The following RHOJ variants were observed in gnomAD, a reference collection of about 807,000 sequenced individuals.
The protein encoded by RHOJ is rho-related GTP-binding protein RhoJ.
In RHOJ, 11 loss-of-function variants were observed where a neutral mutation model predicts 23.4. The ratio of observed to expected loss-of-function variants is 0.47; its 90% CI spans 0.30 to 0.78. RHOJ has a LOEUF of 0.78. Among genes scored for constraint, RHOJ ranks in the 30% least tolerant of loss-of-function variants. The pLI, the probability that RHOJ is intolerant of heterozygous loss-of-function variation, is 0.08. For synonymous variants in RHOJ, 102 were observed against 102.7 expected, an observed-to-expected ratio of 0.99 and a Z score of 0.04; for missense variants, 254 against 273.4, an observed-to-expected ratio of 0.93 and a Z score of 0.50.
At chr14:63,212,127 A>C (rs1024404487) in intron 1 of RHOJ, among the ~76,000 whole-genome samples, 17 of 152,176 alleles carry the variant, frequency 1.1e-4, no homozygotes, top group Non-Finnish European at 1.6e-4. Context: ...ATCTGCATCC[A>C]CACAGCTGAA....
At chr14:63,250,711 AG>A (rs1895055044) in intron 1 of RHOJ, among the ~76,000 whole-genome samples, 1 of 152,130 alleles carries the variant, frequency 6.6e-6, no homozygotes, top group South Asian at 2.1e-4. Flanking sequence ...ACTTCTTCAA[AG>A]GGGTTGTCCC....
intron 1 of RHOJ, among the ~76,000 whole-genome samples, chr14:63,206,964 A>G (rs1894124048): frequency 6.6e-6 from 1 of 152,152 alleles, no homozygotes; most frequent in African/African-American, 2.4e-5. Flanking sequence ...GTAAGGTTAA[A>G]AAGAGGATGG....
At chr14:63,225,097 G>A (rs1295594207) in intron 1 of RHOJ, among the ~76,000 whole-genome samples, 2 of 151,042 alleles carry the variant, frequency 1.3e-5, no homozygotes, top group African/African-American at 4.9e-5. Context: ...GACTACAGGC[G>A]CCCGCCACTA....
chr14:63,231,501 A>G (rs1240000895), intron 1 of RHOJ, among the ~76,000 whole-genome samples: 1 of 152,240 alleles, frequency 6.6e-6, no homozygotes, highest in African/African-American at 2.4e-5. Flanking sequence ...TTCACATTAC[A>G]ATAACGTTGT....
Position 63,283,124 on chromosome 14 carries a change from G to T in RHOJ, c.406G>T (p.Asp136Tyr). 1.2e-6 allele frequency: 2 copies of T among 1,613,096 alleles called. No homozygotes were observed. Among genetic ancestry groups the T allele is most frequent in the Non-Finnish European group, 1.7e-6 (2 of 1,179,084 alleles). Residue 136 changes from aspartate to tyrosine, a missense_variant, in exon 4 of 5, where the codon GAT (aspartate) becomes TAT (tyrosine). Coordinates refer to ENST00000316754, the MANE Select transcript of RHOJ (RefSeq NM_020663.5). ...VPYVLIGTQIDLRDDPKTLAR... is the reference protein window; with the variant it reads ...VPYVLIGTQIYLRDDPKTLAR... The stretch of plus-strand genomic sequence containing the variant: ...TTCACGTGTGTTTTCTTGCCAGATT[G>T]ATCTCCGTGATGACCCAAAAACCTT...
At chr14:63,272,027 G>A (rs1430276969) in intron 2 of RHOJ, among the ~76,000 whole-genome samples, 2 of 152,196 alleles carry the variant, frequency 1.3e-5, no homozygotes, top group African/African-American at 2.4e-5. Flanking sequence ...GAATCTCAAG[G>A]TCTATCCCCA....
At chr14:63,245,868 G>T (rs916680601) in intron 1 of RHOJ, among the ~76,000 whole-genome samples, 8 of 152,304 alleles carry the variant, frequency 5.3e-5, no homozygotes, top group Middle Eastern at 3.4e-3. Context: ...TCAGAAGAAG[G>T]GGGTGATTAG....
rs796822550 is a variant in RHOJ at position 63,259,893 on chromosome 14, T to C, written c.179-9217T>C. Among the ~76,000 whole-genome samples, 17 of 152,160 alleles carry C rather than the reference T, an allele frequency of 1.1e-4. 1 individual carries two copies. Among genetic ancestry groups the C allele is most frequent in the African/African-American group, 4.1e-4 (17 of 41,518 alleles). On this transcript the variant is annotated intron_variant, in intron 1 of 4. Transcript: ENST00000316754. ...AATAAATAAAGGGAAAAACCACAAA[T>C]ACATAAAATTCTAGGACTGAATAAC... is the stretch of plus-strand genomic sequence containing the variant.
intron 2 of RHOJ, among the ~76,000 whole-genome samples, chr14:63,277,297 G>T (rs1881747103): frequency 6.6e-6 from 1 of 152,312 alleles, no homozygotes; most frequent in Non-Finnish European, 1.5e-5. Context: ...ATAAGAGTTT[G>T]AAACAATGGC....
intron 1 of RHOJ, among the ~76,000 whole-genome samples, chr14:63,223,809 G>A (rs972720273): frequency 7.3e-5 from 11 of 151,462 alleles, no homozygotes; most frequent in East Asian, 1.9e-4. Context: ...AAAAGATGAC[G>A]TCAACATGTT....
At chr14:63,228,951 T>C (rs1263852509) in intron 1 of RHOJ, among the ~76,000 whole-genome samples, 1 of 152,184 alleles carries the variant, frequency 6.6e-6, no homozygotes, top group Non-Finnish European at 1.5e-5. Flanking sequence ...CTCTCATAGC[T>C]CCTTCTTCTG....
chr14:63,247,674 AG>A (rs1222067368), intron 1 of RHOJ, among the ~76,000 whole-genome samples: 1 of 152,186 alleles, frequency 6.6e-6, no homozygotes, highest in Non-Finnish European at 1.5e-5. Flanking sequence ...GGCTTTTGGT[AG>A]GATCTGTTTT....
intron 1 of RHOJ, among the ~76,000 whole-genome samples, chr14:63,225,897 A>G (rs1894586034): frequency 6.6e-6 from 1 of 152,208 alleles, no homozygotes; most frequent in Non-Finnish European, 1.5e-5. Context: ...CCCGGTTCAC[A>G]TCACAGAAGC....
rs1882313854 is a variant in RHOJ at position 63,293,424 on chromosome 14, T to C, written c.*2400T>C. 6.6e-6 allele frequency among the ~76,000 whole-genome samples: 1 copy of C among 152,168 alleles called. No homozygotes were observed. Among genetic ancestry groups the C allele is most frequent in the African/African-American group, 2.4e-5 (1 of 41,438 alleles). ...ACGTCACCCAGAACCAGCAACTGGATAGAGACTGTTGTTAGTGTCTGGGTA... is the reference window on the plus strand; with the variant it reads ...ACGTCACCCAGAACCAGCAACTGGACAGAGACTGTTGTTAGTGTCTGGGTA... On this transcript the variant is annotated 3_prime_UTR_variant, in exon 5 of 5. Transcript: ENST00000316754.
chr14:63,241,129 A>C (rs965845624), intron 1 of RHOJ, among the ~76,000 whole-genome samples: 1 of 152,248 alleles, frequency 6.6e-6, no homozygotes, highest in Non-Finnish European at 1.5e-5. Flanking sequence ...AATGCTGCTC[A>C]GGGAAAAGTC....
chr14:63,248,197 T>C (rs969733570), intron 1 of RHOJ, among the ~76,000 whole-genome samples: 1 of 152,196 alleles, frequency 6.6e-6, no homozygotes, highest in African/African-American at 2.4e-5. Flanking sequence ...TCAAAACATA[T>C]ACATATTTTC....
In RHOJ at chr14:63,292,433, A is replaced by G. The variant is rs555215013; in HGVS notation, c.*1409A>G. On this transcript the variant is annotated 3_prime_UTR_variant, in exon 5 of 5. Transcript: ENST00000316754. ...TGTATCATAGAGCGAATTACTTCCT[A>G]TCTTTTCATTAGAGGCTATGAGGAC... 4.6e-5 allele frequency: 7 copies of G among 152,360 alleles called. No individual in the cohort carries two copies. Among genetic ancestry groups the G allele is most frequent in the African/African-American group, 1.4e-4 (6 of 41,596 alleles). 9.4% of individuals were successfully genotyped at this position (152,360 alleles called of 1,614,324 possible). A position where few individuals can be genotyped will look rare whatever the true frequency, so the allele number is the denominator to read the frequency against.
intron 2 of RHOJ, among the ~76,000 whole-genome samples, chr14:63,277,982 C>T (rs1283270873): frequency 1.3e-5 from 2 of 152,010 alleles, no homozygotes; most frequent in South Asian, 4.2e-4. Flanking sequence ...CACACACACA[C>T]ACACACACAC....
In RHOJ at chr14:63,205,023, C is replaced by T. The variant is rs1349759334; in HGVS notation, c.154C>T (p.Pro52Ser). ...CGACGCCTTCCCAGAGGAATACGTG[C>T]CCACTGTGTTTGACCACTATGCAGG... The part of the protein sequence containing the change: ...ANDAFPEEYV[P>S]TVFDHYAVTV... The change falls in exon 1 of 5, where the codon CCC becomes TCC. Residue 52 changes from proline (P) to serine (S), a missense_variant. Physicochemically the swap from Pro to Ser is moderately conservative, Grantham distance 74. Coordinates refer to ENST00000316754, the MANE Select transcript of RHOJ (RefSeq NM_020663.5). The T allele has an allele frequency of 6.2e-7, 1 of 1,614,082 alleles. No homozygotes were observed. The highest frequency in any genetic ancestry group is 2.2e-5 in the East Asian group (1 of 44,880).
Sources: gnomAD v4.1 joint callset for allele counts (sites outside exome capture counted in the v4.1 genomes callset) on GRCh38, gnomAD v4.1.1 for gene constraint, MANE v1.5 for transcripts, NCBI Gene and HGNC (gene_info 2026-07-23, HGNC 2026-07-21) for gene names.